Variants in EIPR1 observed in about 807,000 individuals in gnomAD.
EIPR1 encodes EARP and GARP complex-interacting protein 1.
A neutral mutation model predicts 48.1 loss-of-function variants in EIPR1; 25 were observed. The ratio of observed to expected loss-of-function variants is 0.52; its 90% CI spans 0.38 to 0.73. EIPR1 has a LOEUF of 0.73. EIPR1 is among the 30% of genes least tolerant of loss of function. The probability of loss-of-function intolerance (pLI) is 0.00; values close to 1 mark genes in which losing one functional copy is unlikely to be tolerated. For missense variants in EIPR1, 415 were observed against 506.2 expected, an observed-to-expected ratio of 0.82 and a Z score of 1.73; for synonymous variants, 204 against 201.9, an observed-to-expected ratio of 1.01 and a Z score of -0.09.
chr2:3,242,273 A>C (rs2103189276), intron 4 of EIPR1, among the ~76,000 whole-genome samples: 1 of 15,572 alleles, frequency 6.4e-5, no homozygotes, highest in South Asian at 2.1e-3. Context: ...GCTGGAAGAC[A>C]GAGATTTCAG....
At position 3,281,448 on chromosome 2, in the gene EIPR1, T is replaced by C. The variant is rs539079271; in HGVS notation, c.260-23993A>G. Among the ~76,000 whole-genome samples, 13 of 152,052 alleles carry C rather than the reference T, an allele frequency of 8.5e-5. No homozygotes were observed. In the East Asian group the frequency reaches 1.4e-3, roughly 16 times the overall value. On this transcript the variant is annotated intron_variant, in intron 3 of 8. Transcript: ENST00000382125. Reference sequence around the variant, plus strand: ...CCTGGGAATACTTACATCTGTTTCATGAAAAGGTAAAGCAAAGCAAAACGA... The same window carrying C: ...CCTGGGAATACTTACATCTGTTTCACGAAAAGGTAAAGCAAAGCAAAACGA...
chr2:3,340,328 A>C (rs1346370142), intron 2 of EIPR1, among the ~76,000 whole-genome samples: 1 of 152,194 alleles, frequency 6.6e-6, no homozygotes, highest in Non-Finnish European at 1.5e-5. Context: ...GGCCAAGGAG[A>C]AGCCAGATAT....
chr2:3,259,921 A>G (rs1469846958), intron 3 of EIPR1, among the ~76,000 whole-genome samples: 2 of 152,248 alleles, frequency 1.3e-5, no homozygotes, highest in Non-Finnish European at 2.9e-5. Flanking sequence ...CTCAAAAACC[A>G]ATTCCAGCTA....
In EIPR1 at chr2:3,243,865, C is replaced by T. The variant is rs556979252; in HGVS notation, c.416+13434G>A. Among the ~76,000 whole-genome samples, 4 of 152,308 alleles carry T rather than the reference C, an allele frequency of 2.6e-5. No individual in the cohort carries two copies. In the East Asian group the frequency reaches 5.8e-4, roughly 22 times the overall value. ...CGTACAGGGCATGGCTCTGCTGTGA[C>T]GTCCAGGACATGGCTCCATGCTGGA... On this transcript the variant is annotated intron_variant, in intron 4 of 8. Transcript: ENST00000382125.
At chr2:3,299,763 C>T (rs1327692016) in intron 3 of EIPR1, among the ~76,000 whole-genome samples, 1 of 152,034 alleles carries the variant, frequency 6.6e-6, no homozygotes, top group Non-Finnish European at 1.5e-5. Context: ...TTATACGTCC[C>T]TAAGATGTCA....
intron 4 of EIPR1, among the ~76,000 whole-genome samples, chr2:3,249,725 G>A (rs1666947396): frequency 6.6e-6 from 1 of 152,152 alleles, no homozygotes; most frequent in Non-Finnish European, 1.5e-5. Flanking sequence ...CCCATCCAAG[G>A]TCCAAAGGCC....
At chr2:3,297,644 C>G (rs1668642811) in intron 3 of EIPR1, among the ~76,000 whole-genome samples, 1 of 152,218 alleles carries the variant, frequency 6.6e-6, no homozygotes, top group African/African-American at 2.4e-5. Flanking sequence ...GCAGGCCACA[C>G]AGTCTTTATC....
intron 3 of EIPR1, among the ~76,000 whole-genome samples, chr2:3,308,672 A>C (rs1025874648): frequency 6.6e-6 from 1 of 152,200 alleles, no homozygotes; most frequent in Non-Finnish European, 1.5e-5. Flanking sequence ...AGAAAATCTC[A>C]AGTAGCATAC....
At chr2:3,212,475 C>T (rs918620946) in intron 5 of EIPR1, among the ~76,000 whole-genome samples, 14 of 152,256 alleles carry the variant, frequency 9.2e-5, no homozygotes, top group Admixed American at 4.6e-4. Context: ...GTGTCTATAC[C>T]GGGAGCTGGG....
intron 3 of EIPR1, among the ~76,000 whole-genome samples, chr2:3,293,885 G>C (rs1281885418): frequency 6.6e-6 from 1 of 152,130 alleles, no homozygotes; most frequent in East Asian, 1.9e-4. Context: ...TGAAGCTACA[G>C]AAACCACACA....
chr2:3,304,610 C>T (rs1194708529), intron 3 of EIPR1, among the ~76,000 whole-genome samples: 1 of 10,048 alleles, frequency 1.0e-4, no homozygotes, highest in African/African-American at 4.3e-4. Context: ...CTTCCACTCC[C>T]GTCCAATTCA....
At position 3,246,819 on chromosome 2, in the gene EIPR1, G is replaced by GGGAGGGAGGAAGGAAGGGAGGGAA. The variant is rs1666817846; in HGVS notation, c.416+10479_416+10480insTTCCCTCCCTTCCTTCCTCCCTCC. 1.7e-4 allele frequency among the ~76,000 whole-genome samples: 9 copies of GGGAGGGAGGAAGGAAGGGAGGGAA among 54,172 alleles called. 2 individuals are homozygous for GGGAGGGAGGAAGGAAGGGAGGGAA. Among genetic ancestry groups the GGGAGGGAGGAAGGAAGGGAGGGAA allele is most frequent in the Middle Eastern group, 0.013 (1 of 76 alleles). The allele number at this position is 54,172 out of a possible 152,430, so 35.5% of individuals were successfully genotyped here. On this transcript the variant is annotated intron_variant, in intron 4 of 8. Transcript: ENST00000382125. ...AGGGAGGGAGGCAGGGAGGGAGGGA[G>GGGAGGGAGGAAGGAAGGGAGGGAA]GGAGGAAGGGAGGGAAGGAGGAAGG...
chr2:3,320,063 AGC>A, intron 3 of EIPR1: 1 of 127,888 alleles, frequency 7.8e-6, no homozygotes. Context: ...CTGCAGGCAG[AGC>A]AATATCACAC....
chr2:3,347,500 G>A (rs182679722), intron 2 of EIPR1, among the ~76,000 whole-genome samples: 1 of 152,228 alleles, frequency 6.6e-6, no homozygotes, highest in Admixed American at 6.5e-5. Context: ...GCTCCTCCTT[G>A]CCTTCCACCA....
chr2:3,325,935 G>T (rs1019050654), intron 3 of EIPR1, among the ~76,000 whole-genome samples: 2 of 152,246 alleles, frequency 1.3e-5, no homozygotes, highest in East Asian at 3.9e-4. Flanking sequence ...ATCATGGAAG[G>T]GAAGGCTCGG....
intron 4 of EIPR1, among the ~76,000 whole-genome samples, chr2:3,255,746 C>A (rs930243499): frequency 6.6e-6 from 1 of 152,224 alleles, no homozygotes; most frequent in African/African-American, 2.4e-5. Flanking sequence ...CACTGACCTG[C>A]GCAGAGTCTC....
chr2:3,211,386 G>T (rs893172136), intron 5 of EIPR1, among the ~76,000 whole-genome samples: 2 of 152,066 alleles, frequency 1.3e-5, no homozygotes, highest in African/African-American at 4.8e-5. Flanking sequence ...AGAACCCACC[G>T]ACCGCCCACA....
At chr2:3,193,624 G>A (rs761610810) in intron 7 of EIPR1, among the ~76,000 whole-genome samples, 1 of 152,320 alleles carries the variant, frequency 6.6e-6, no homozygotes, top group East Asian at 1.9e-4. Flanking sequence ...CCCGACAGCT[G>A]CATCATCTCC....
At chr2:3,225,187 T>C (rs4854109) in intron 4 of EIPR1, among the ~76,000 whole-genome samples, 138,761 of 151,716 alleles carry the variant, frequency 0.91, 63,938 homozygotes, top group East Asian at 0.98. Flanking sequence ...CCTTGACAAA[T>C]AGAATTTGTG....
Sources: allele counts gnomAD v4.1 joint callset (sites outside exome capture counted in the v4.1 genomes callset), GRCh38; gene constraint gnomAD v4.1.1; transcripts MANE v1.5; gene names NCBI Gene and HGNC (gene_info 2026-07-23, HGNC 2026-07-21).